Variants in QTMAN observed in about 807,000 individuals in gnomAD.
QTMAN encodes queuosine-tRNA mannosyltransferase.
chr2:144,129,626 T>G, the QTMAN span, among the ~76,000 whole-genome samples: 1 of 151,980 alleles, frequency 6.6e-6, no homozygotes, highest in African/African-American at 2.4e-5. Context: ...CATTCTAAAA[T>G]ACAACACTAA....
chr2:144,241,838 A>C, the QTMAN span, among the ~76,000 whole-genome samples: 1 of 152,276 alleles, frequency 6.6e-6, no homozygotes, highest in Non-Finnish European at 1.5e-5. Flanking sequence ...GAAAGAAAAG[A>C]ATTAAAATAC....
At chr2:144,324,721 A>G in the QTMAN span, among the ~76,000 whole-genome samples, 3 of 152,318 alleles carry the variant, frequency 2.0e-5, no homozygotes, top group South Asian at 6.2e-4. Flanking sequence ...AAAGACCAAG[A>G]GGTGAAAAGG....
the QTMAN span, among the ~76,000 whole-genome samples, chr2:144,091,655 A>T: frequency 7.9e-5 from 12 of 152,202 alleles, no homozygotes; most frequent in Admixed American, 5.2e-4. Flanking sequence ...CAAATCTACC[A>T]TATGATCCCG....
the QTMAN span, among the ~76,000 whole-genome samples, chr2:144,153,009 T>C: frequency 3.3e-5 from 5 of 152,102 alleles, no homozygotes; most frequent in African/African-American, 9.7e-5. Context: ...CTCAGAATTA[T>C]CAGGGGTGGC....
the QTMAN span, among the ~76,000 whole-genome samples, chr2:144,311,723 T>A: frequency 2.0e-5 from 3 of 152,324 alleles, no homozygotes; most frequent in African/African-American, 7.2e-5. Flanking sequence ...CACAGACTCC[T>A]CTGAACCCCA....
At chr2:144,145,628 A>G in the QTMAN span, 2 of 1,610,910 alleles carry the variant, frequency 1.2e-6, no homozygotes, top group Non-Finnish European at 1.7e-6. Context: ...ATTTCTTGAC[A>G]GGATATATCA....
chr2:144,143,644 C>A, the QTMAN span, among the ~76,000 whole-genome samples: 1,720 of 151,948 alleles, frequency 0.011, 36 homozygotes, highest in African/African-American at 0.038. Context: ...AGTGCTGACA[C>A]AACACTAAGC....
chr2:144,133,642 G>A, the QTMAN span, among the ~76,000 whole-genome samples: 18 of 142,070 alleles, frequency 1.3e-4, no homozygotes, highest in African/African-American at 4.2e-4. Context: ...AGATAATTAA[G>A]AGGAAAATGG....
the QTMAN span, among the ~76,000 whole-genome samples, chr2:144,092,487 C>T: frequency 2.0e-5 from 3 of 152,090 alleles, no homozygotes; most frequent in Non-Finnish European, 4.4e-5. Flanking sequence ...AACTGTACAT[C>T]TTATATGTAG....
At chr2:144,030,757 T>C in the QTMAN span, among the ~76,000 whole-genome samples, 1 of 152,046 alleles carries the variant, frequency 6.6e-6, no homozygotes, top group African/African-American at 2.4e-5. Context: ...AGATATGCAA[T>C]TGGAAGTATA....
the QTMAN span, among the ~76,000 whole-genome samples, chr2:144,161,610 C>T: frequency 6.6e-6 from 1 of 151,962 alleles, no homozygotes; most frequent in Admixed American, 6.6e-5. Context: ...GTAGACTTGA[C>T]AATGTTGTTC....
chr2:143,966,050 T>C, the QTMAN span, among the ~76,000 whole-genome samples: 1 of 152,184 alleles, frequency 6.6e-6, no homozygotes, highest in African/African-American at 2.4e-5. Flanking sequence ...TGTTTTTTTT[T>C]CCTATTCATT....
At chr2:144,156,373 AT>A in the QTMAN span, among the ~76,000 whole-genome samples, 1 of 152,074 alleles carries the variant, frequency 6.6e-6, no homozygotes, top group South Asian at 2.1e-4. Flanking sequence ...AAACTGTACT[AT>A]GTACAGTAGG....
At chr2:144,208,663 CA>C in the QTMAN span, 2 of 1,613,730 alleles carry the variant, frequency 1.2e-6, no homozygotes, top group Admixed American at 1.7e-5. Context: ...CCGGGCTCTC[CA>C]ATGCCATTTC....
the QTMAN span, among the ~76,000 whole-genome samples, chr2:144,192,120 T>C: frequency 1.3e-5 from 2 of 150,904 alleles, no homozygotes; most frequent in African/African-American, 4.9e-5. Flanking sequence ...TTTTTTTTTT[T>C]CTTTTTGAGT....
chr2:144,160,652 T>C, the QTMAN span, among the ~76,000 whole-genome samples: 20 of 152,222 alleles, frequency 1.3e-4, no homozygotes, highest in African/African-American at 3.4e-4. Context: ...AATACCTCAG[T>C]AGATGATCAA....
the QTMAN span, among the ~76,000 whole-genome samples, chr2:144,171,640 G>GACATTTCA: frequency 6.6e-6 from 1 of 152,098 alleles, no homozygotes; most frequent in Non-Finnish European, 1.5e-5. Context: ...ATATTTGGAG[G>GACATTTCA]AAATATTTTT....
chr2:144,207,743 T>C, the QTMAN span, among the ~76,000 whole-genome samples: 1 of 152,158 alleles, frequency 6.6e-6, no homozygotes, highest in Non-Finnish European at 1.5e-5. Context: ...GAGGAAGAGA[T>C]GTTCAAGGGG....
At chr2:144,090,066 T>C in the QTMAN span, among the ~76,000 whole-genome samples, 6 of 151,924 alleles carry the variant, frequency 3.9e-5, no homozygotes, top group Admixed American at 1.3e-4. Flanking sequence ...AAAAAAGCAA[T>C]CGATGTAATC....
Sources: gnomAD v4.1 joint callset for allele counts (sites outside exome capture counted in the v4.1 genomes callset) on GRCh38, gnomAD v4.1.1 for gene constraint, MANE v1.5 for transcripts, NCBI Gene and HGNC (gene_info 2026-07-23, HGNC 2026-07-21) for gene names.